Variants in CRYBB1 observed in about 807,000 individuals in gnomAD.
CRYBB1 encodes crystallin beta B1.
In CRYBB1, 16 loss-of-function variants were observed where a neutral mutation model predicts 29.5. The ratio of observed to expected loss-of-function variants is 0.54; its 90% confidence interval spans 0.37 to 0.82. The LOEUF (loss-of-function observed/expected upper bound fraction) is 0.82. CRYBB1 is among the 40% of genes least tolerant of loss of function. The probability of loss-of-function intolerance (pLI) is 0.00; values close to 1 mark genes in which losing one functional copy is unlikely to be tolerated. For synonymous variants in CRYBB1, 127 were observed against 136.7 expected (o/e 0.93, Z 0.49); for missense variants, 300 against 350.5 (o/e 0.86, Z 1.15).
chr22:26,601,031 G>A (rs1257826117), intron 5 of CRYBB1, among the ~76,000 whole-genome samples: 1 of 152,218 alleles, frequency 6.6e-6, no homozygotes, highest in African/African-American at 2.4e-5. Flanking sequence ...CTAGCACAGT[G>A]CCTGGCTCAC....
intron 2 of CRYBB1, among the ~76,000 whole-genome samples, chr22:26,614,094 G>C (rs1406860630): frequency 6.6e-6 from 1 of 152,144 alleles, no homozygotes; most frequent in Non-Finnish European, 1.5e-5. Flanking sequence ...CTCCTGATAA[G>C]ATGTTATCAA....
intron 3 of CRYBB1, among the ~76,000 whole-genome samples, chr22:26,608,270 T>G (rs1336692752): frequency 6.6e-6 from 1 of 152,110 alleles, no homozygotes; most frequent in South Asian, 2.1e-4. Flanking sequence ...TTCCTTGGAG[T>G]TGGTGAAGGA....
intron 4 of CRYBB1, 51 bp downstream of exon 4, chr22:26,607,838 T>C (rs777804885): frequency 6.2e-7 from 1 of 1,613,234 alleles, no homozygotes; most frequent in Non-Finnish European, 8.5e-7. Context: ...GACTTACACC[T>C]GCCCTGCCCC....
intron 2 of CRYBB1, among the ~76,000 whole-genome samples, chr22:26,612,545 A>G (rs1043942789): frequency 1.3e-5 from 2 of 152,016 alleles, no homozygotes; most frequent in African/African-American, 4.8e-5. Context: ...TAGAGACAGG[A>G]TTTTGCCATG....
intron 4 of CRYBB1, among the ~76,000 whole-genome samples, chr22:26,604,718 G>A (rs1262193315): frequency 6.6e-6 from 1 of 152,252 alleles, no homozygotes; most frequent in Non-Finnish European, 1.5e-5. Context: ...CAAGTGCAAG[G>A]TGCCAGGCAG....
chr22:26,607,579 AG>A (rs1929021287), intron 4 of CRYBB1, among the ~76,000 whole-genome samples: 1 of 146,196 alleles, frequency 6.8e-6, no homozygotes, highest in African/African-American at 2.5e-5. Context: ...AAAAAAAAAA[AG>A]CTCCCAGTAA....
chr22:26,613,074 T>C (rs1469447698), intron 2 of CRYBB1, among the ~76,000 whole-genome samples: 1 of 152,184 alleles, frequency 6.6e-6, no homozygotes, highest in Non-Finnish European at 1.5e-5. Flanking sequence ...TCAATTTCTG[T>C]ATCTCCAGCC....
At chr22:26,616,533 C>T (rs1002621636) in intron 1 of CRYBB1, among the ~76,000 whole-genome samples, 195 bp from the exon 2 acceptor site, 8 of 152,236 alleles carry the variant, frequency 5.3e-5, no homozygotes, top group African/African-American at 1.9e-4. Context: ...ACTCATCCCA[C>T]ATATATCCTT....
At chr22:26,608,403 G>A (rs1929053503) in intron 3 of CRYBB1, among the ~76,000 whole-genome samples, 1 of 149,556 alleles carries the variant, frequency 6.7e-6, no homozygotes, top group African/African-American at 2.4e-5. Flanking sequence ...GAAACTTGAC[G>A]CCAGCTAGGA....
intron 2 of CRYBB1, 105 bp downstream of exon 2, chr22:26,616,035 G>T (rs1482336796): frequency 4.5e-6 from 4 of 889,728 alleles, no homozygotes; most frequent in Non-Finnish European, 1.9e-6. Flanking sequence ...AAAGAGGTGC[G>T]GAGGAGTAAG....
At chr22:26,600,640 T>C (rs575152863) in intron 5 of CRYBB1, among the ~76,000 whole-genome samples, 224 of 152,350 alleles carry the variant, frequency 1.5e-3, no homozygotes, top group Non-Finnish European at 2.8e-3. Context: ...TCATTTAAAG[T>C]GGTTAGCACA....
At chr22:26,614,899 A>G (rs183723491) in intron 2 of CRYBB1, among the ~76,000 whole-genome samples, 1 of 152,248 alleles carries the variant, frequency 6.6e-6, no homozygotes, top group East Asian at 1.9e-4. Context: ...TAATGCATAA[A>G]ATTGTATACA....
intron 4 of CRYBB1, among the ~76,000 whole-genome samples, chr22:26,604,554 A>T (rs1019180429): frequency 7.9e-5 from 12 of 152,220 alleles, no homozygotes; most frequent in Non-Finnish European, 1.5e-4. Flanking sequence ...GGAAGAAGTG[A>T]CACTAGAGAG....
At chr22:26,601,815 A>C (rs1928828129) in intron 5 of CRYBB1, 64 bp downstream of exon 5, 2 of 1,608,258 alleles carry the variant, frequency 1.2e-6, no homozygotes, top group Admixed American at 3.3e-5. Flanking sequence ...CTGTAAGGGG[A>C]GCAGCCTCTG....
At chr22:26,611,769 C>G (rs562331914) in intron 3 of CRYBB1, among the ~76,000 whole-genome samples, 1 of 152,122 alleles carries the variant, frequency 6.6e-6, no homozygotes, top group Non-Finnish European at 1.5e-5. Context: ...CCACCGCGCC[C>G]GGCCGGGCTA....
chr22:26,605,544 C>T (rs1928947939), intron 4 of CRYBB1, among the ~76,000 whole-genome samples: 1 of 151,874 alleles, frequency 6.6e-6, no homozygotes, highest in Non-Finnish European at 1.5e-5. Context: ...CGTGGCGGTG[C>T]ACACCTATAA....
chr22:26,601,936 C>T lies in CRYBB1; in HGVS notation c.518G>A (p.Ser173Asn). The T allele has an allele frequency of 6.2e-7, 1 of 1,613,182 alleles. No homozygotes were observed. Among genetic ancestry groups the T allele is most frequent in the Non-Finnish European group, 8.5e-7 (1 of 1,179,892 alleles). The change falls in exon 5 of 6, where the codon AGT becomes AAT. Residue 173 changes from serine (S) to asparagine (N), a missense_variant. Ser to Asn is a conservative substitution (Grantham distance 46). Coordinates refer to ENST00000647684, the MANE Select transcript of CRYBB1 (RefSeq NM_001887.4). ...TIEIQGDDAP[S>N]LWVYGFSDRV... ...GTCACTGAAGCCGTAGACCCAGAGA[C>T]TGGGTGCGTCGTCCCCCTGGATCTC... is the stretch of plus-strand genomic sequence containing the variant.
intron 4 of CRYBB1, among the ~76,000 whole-genome samples, chr22:26,607,533 G>T (rs572413414): frequency 1.3e-5 from 2 of 148,568 alleles, no homozygotes; most frequent in Admixed American, 1.4e-4. Context: ...CACCAGGCTG[G>T]GGGACACAGC....
chr22:26,611,474 T>G (rs1310759352), intron 3 of CRYBB1, among the ~76,000 whole-genome samples: 50 of 150,032 alleles, frequency 3.3e-4, no homozygotes, highest in Non-Finnish European at 5.4e-4. Context: ...TTTTTGTTTT[T>G]TTTTTTTTTT....
Sources: gnomAD v4.1 joint callset for allele counts (sites outside exome capture counted in the v4.1 genomes callset) on GRCh38, gnomAD v4.1.1 for gene constraint, MANE v1.5 for transcripts, NCBI Gene and HGNC (gene_info 2026-07-23, HGNC 2026-07-21) for gene names.